MYL2: variants seen among roughly 807,000 people sequenced by gnomAD.
The protein encoded by MYL2 is myosin light chain 2, also known as myosin regulatory light chain 2, ventricular/cardiac muscle isoform.
MYL2 carries 19 observed loss-of-function variants against 23.0 expected under a neutral mutation model. The ratio of observed to expected loss-of-function variants is 0.83; its 90% CI spans 0.58 to 1.21. The LOEUF (loss-of-function observed/expected upper bound fraction) is 1.21. MYL2 is among the 50% of genes most tolerant of loss of function. The pLI is 0.00. For missense variants in MYL2, 180 were observed against 215.1 expected (o/e 0.84, Z 1.02); for synonymous variants, 78 against 76.2 (o/e 1.02, Z -0.13).
chr12:110,918,409 G>A lies in MYL2; in HGVS notation c.93+695C>T, dbSNP rs965843199. 6.6e-6 allele frequency among the ~76,000 whole-genome samples: 1 copy of A among 152,118 alleles called. No individual in the cohort carries two copies. Among genetic ancestry groups the A allele is most frequent in the Admixed American group, 6.5e-5 (1 of 15,268 alleles). ...AAAATTGTGACTATTAATACCCAGC[G>A]TTGATGGAAATGTGGGGAAAGGCAC... On this transcript the variant is annotated intron_variant, in intron 2 of 6. Transcript: ENST00000228841. The surrounding 1 kb of genome is among the most constrained non-coding windows in gnomAD (Gnocchi z 4.4).
chr12:110,911,249 GGGCCTGAGTGGACGGATAGCT>G, intron 6 of MYL2, 74 bp from the exon 7 acceptor site: 1 of 476,050 alleles, frequency 2.1e-6, no homozygotes, highest in Non-Finnish European at 3.8e-6. Flanking sequence ...GCTGTGGGCG[GGGCCTGAGTGGACGGATAGCT>G]GGGGGGTGGG....
intron 4 of MYL2, 144 bp downstream of exon 4, chr12:110,914,042 G>A (rs1379007772): frequency 2.8e-6 from 2 of 710,958 alleles, no homozygotes; most frequent in Non-Finnish European, 5.0e-6. Flanking sequence ...ACAGGCATCA[G>A]CCACTGCGCC....
At chr12:110,913,430 G>C (rs542635792) in intron 4 of MYL2, 106 bp from the exon 5 acceptor site, 7 of 1,175,698 alleles carry the variant, frequency 6.0e-6, no homozygotes, top group South Asian at 1.2e-5. Context: ...CCAGAGCAAG[G>C]CTGCTTTGCA....
intron 6 of MYL2, 60 bp downstream of exon 6, chr12:110,913,036 G>C: frequency 6.3e-7 from 1 of 1,577,194 alleles, no homozygotes; most frequent in Non-Finnish European, 8.7e-7. Flanking sequence ...GGGAGACGGA[G>C]CCCCCCAGAA....
At chr12:110,919,614 A>G (rs1057075768) in intron 1 of MYL2, among the ~76,000 whole-genome samples, 1 of 152,158 alleles carries the variant, frequency 6.6e-6, no homozygotes, top group Admixed American at 6.6e-5. Flanking sequence ...CTAAGCCATG[A>G]TGAATGCCAA....
At position 110,919,101 on chromosome 12, in the gene MYL2, C is replaced by G. The variant is rs113465073; in HGVS notation, c.93+3G>C. The G allele has an allele frequency of 6.2e-7, 1 of 1,613,800 alleles. No individual in the cohort carries two copies. The highest frequency in any genetic ancestry group is 1.1e-5 in the South Asian group (1 of 91,060). On this transcript the variant is annotated splice_donor_region_variant and intron_variant, in intron 2 of 6. Coordinates refer to ENST00000228841, the MANE Select transcript of MYL2 (RefSeq NM_000432.4). Reference sequence around the variant, plus strand: ...AGGCGGATGATTCAATAGCTGCACCCACCTCCTTAAATTCCTGGATTTGGG... The same window carrying G: ...AGGCGGATGATTCAATAGCTGCACCGACCTCCTTAAATTCCTGGATTTGGG...
At chr12:110,914,009 G>T (rs925596474) in intron 4 of MYL2, among the ~76,000 whole-genome samples, 177 bp downstream of exon 4, 1 of 152,080 alleles carries the variant, frequency 6.6e-6, no homozygotes, top group African/African-American at 2.4e-5. Context: ...TGCCCGCCTC[G>T]GCCTCTGAAA....
At position 110,918,126 on chromosome 12, in the gene MYL2, T is replaced by C. The variant is rs1223528800; in HGVS notation, c.93+978A>G. ...CAGTCTGGTCTCTTTAGCATCATTT[T>C]AGCATAGTTCCCTCTGGAAAGCCAG... is the stretch of plus-strand genomic sequence containing the variant. On this transcript the variant is annotated intron_variant, in intron 2 of 6. Transcript: ENST00000228841. This position sits in a 1 kb window ranked among gnomAD's most constrained non-coding sequence, Gnocchi z 4.4. Among the ~76,000 whole-genome samples the C allele has an allele frequency of 6.6e-6, 1 of 152,124 alleles. No individual in the cohort carries two copies. Among genetic ancestry groups the C allele is most frequent in the East Asian group, 1.9e-4 (1 of 5,184 alleles).
At position 110,911,179 on chromosome 12, in the gene MYL2, C is replaced by T; in HGVS notation, c.403-4G>A. 1 of 1,575,780 alleles carries T rather than the reference C, an allele frequency of 6.3e-7. No individual in the cohort carries two copies. The highest frequency in any genetic ancestry group is 8.6e-7 in the Non-Finnish European group (1 of 1,157,908). ...AGGCGGCGAACATCTGGTCAACCTG[C>T]AATGAGCCAGCAACACGTGCTAAGG... On this transcript the variant is annotated splice_polypyrimidine_tract_variant and splice_region_variant and intron_variant, in intron 6 of 6. Coordinates refer to ENST00000228841, the MANE Select transcript of MYL2 (RefSeq NM_000432.4).
intron 4 of MYL2, 62 bp downstream of exon 4, chr12:110,914,124 C>T: frequency 7.9e-7 from 1 of 1,265,044 alleles, no homozygotes; most frequent in Non-Finnish European, 1.2e-6. Flanking sequence ...CATCTTCTGC[C>T]AGCCCCCCCG....
chr12:110,911,129 A>G lies in MYL2; in HGVS notation c.449T>C (p.Leu150Ser), dbSNP rs2071648869. 6.2e-7 allele frequency: 1 copy of G among 1,613,162 alleles called. No individual in the cohort carries two copies. The highest frequency in any genetic ancestry group is 1.1e-5 in the South Asian group (1 of 91,072). ...AAFPPDVTGNLDYKNLVHIIT... is the reference protein window; with the variant it reads ...AAFPPDVTGNSDYKNLVHIIT... ...GATGTGCACCAGGTTCTTGTAGTCC[A>G]AGTTGCCAGTCACGTCAGGGGGGAA... The change falls in exon 7 of 7, where the codon TTG (leucine) becomes TCG (serine). Residue 150 changes from leucine to serine, a missense_variant. Transcript: ENST00000228841.
chr12:110,919,033 G>T, intron 2 of MYL2, 71 bp downstream of exon 2: 1 of 1,426,718 alleles, frequency 7.0e-7, no homozygotes, highest in East Asian at 2.3e-5. Flanking sequence ...CTGGGAATAT[G>T]GAACAAAAAG....
intron 2 of MYL2, among the ~76,000 whole-genome samples, chr12:110,916,035 C>A (rs918915865): frequency 1.3e-5 from 2 of 152,142 alleles, no homozygotes; most frequent in African/African-American, 4.8e-5. Flanking sequence ...AACATGTCCA[C>A]ATAAAAGCCT....
At chr12:110,920,328 C>T (rs1035604641) in intron 1 of MYL2, among the ~76,000 whole-genome samples, 199 bp downstream of exon 1, 11 of 152,072 alleles carry the variant, frequency 7.2e-5, no homozygotes, top group Admixed American at 3.9e-4. Context: ...TGTGAGTCCC[C>T]GAGAGCTGCT....
rs373475989 is a variant in MYL2 at position 110,914,231 on chromosome 12, T to C, written c.229A>G (p.Ile77Val). 6 of 1,613,954 alleles carry C rather than the reference T, an allele frequency of 3.7e-6. No individual in the cohort carries two copies. The highest frequency in any genetic ancestry group is 2.7e-5 in the African/African-American group (2 of 74,878). ...DEMIKEAPGPINFTVFLTMFG... is the reference protein window; with the variant it reads ...DEMIKEAPGPVNFTVFLTMFG... ...ATTGTGAGGAACACAGTAAAGTTAA[T>C]TGGACCCGGAGCCTCCTTGATCATT... is the stretch of plus-strand genomic sequence containing the variant. The change falls in exon 4 of 7, where the codon ATT becomes GTT. Residue 77 changes from isoleucine to valine, a missense_variant. By Grantham distance (29) the Ile-to-Val change is conservative. Transcript: ENST00000228841.
intron 6 of MYL2, among the ~76,000 whole-genome samples, 183 bp from the exon 7 acceptor site, chr12:110,911,358 T>A (rs1302384438): frequency 6.6e-6 from 1 of 151,972 alleles, no homozygotes; most frequent in African/African-American, 2.4e-5. Flanking sequence ...TCGCCCAAGG[T>A]CATGCCCTTT....
chr12:110,915,768 T>C lies in MYL2; in HGVS notation c.116A>G (p.Asn39Ser). ...GTTCTTGTCAATGAAGCCATCCCTG[T>C]TCTGGTCCATGATAGTGAAGGCCTG... ...FKEAFTIMDQ[N>S]RDGFIDKNDL... is the part of the protein sequence containing the mutation. Residue 39 changes from asparagine to serine, a missense_variant, in exon 3 of 7, where the codon AAC (asparagine) becomes AGC (serine). Coordinates refer to ENST00000228841, the MANE Select transcript of MYL2 (RefSeq NM_000432.4). 1 of 1,614,198 alleles carries C rather than the reference T, an allele frequency of 6.2e-7. No individual in the cohort carries two copies. The highest frequency in any genetic ancestry group is 1.1e-5 in the South Asian group (1 of 91,086).
At chr12:110,917,147 G>A (rs944525884) in intron 2 of MYL2, among the ~76,000 whole-genome samples, 13 of 151,912 alleles carry the variant, frequency 8.6e-5, no homozygotes, top group African/African-American at 2.7e-4. Flanking sequence ...TGCCTGGCCC[G>A]TGATTCCTCA....
Position 110,911,050 on chromosome 12 carries a change from G to C in MYL2, c.*27C>G, listed in dbSNP as rs529267733. On this transcript the variant is annotated 3_prime_UTR_variant, in exon 7 of 7. Coordinates refer to ENST00000228841, the MANE Select transcript of MYL2 (RefSeq NM_000432.4). The stretch of plus-strand genomic sequence containing the variant: ...GGCAGGGACCACTCTGCAAAGACGA[G>C]CCCAGGGCGCAGCAGCGAGCCCCCT... 2 of 1,597,926 alleles carry C rather than the reference G, an allele frequency of 1.3e-6. No individual in the cohort carries two copies. Among genetic ancestry groups the C allele is most frequent in the Non-Finnish European group, 1.7e-6 (2 of 1,165,544 alleles).
Sources: gnomAD v4.1 joint callset for allele counts (sites outside exome capture counted in the v4.1 genomes callset) on GRCh38, gnomAD v4.1.1 for gene constraint, Gnocchi (gnomAD v3.1) non-coding constraint, MANE v1.5 for transcripts, NCBI Gene and HGNC (gene_info 2026-07-23, HGNC 2026-07-21) for gene names.